The following MTREX variants were observed in gnomAD, a reference collection of about 807,000 sequenced individuals.
MTREX encodes the protein exosome RNA helicase MTR4.
In MTREX, 76 loss-of-function variants were observed where a neutral mutation model predicts 135.4. The ratio of observed to expected loss-of-function variants is 0.56; its 90% CI spans 0.47 to 0.68. The LOEUF (loss-of-function observed/expected upper bound fraction) is 0.68. Among genes scored for constraint, MTREX ranks in the 30% least tolerant of loss-of-function variants. The pLI, the probability that MTREX is intolerant of heterozygous loss-of-function variation, is 0.00. For synonymous variants in MTREX, 404 were observed against 401.6 expected (o/e 1.01, Z -0.07); for missense variants, 920 against 1,262.1 (o/e 0.73, Z 4.11).
At chr5:55,334,284 C>T (rs966103105) in intron 5 of MTREX, among the ~76,000 whole-genome samples, 18 of 152,000 alleles carry the variant, frequency 1.2e-4, no homozygotes, top group African/African-American at 4.1e-4. Context: ...TACTAAATGC[C>T]ACTGAAATAT....
At chr5:55,331,397 C>T (rs528772424) in intron 5 of MTREX, among the ~76,000 whole-genome samples, 8 of 152,220 alleles carry the variant, frequency 5.3e-5, no homozygotes, top group African/African-American at 1.4e-4. Flanking sequence ...TTTTTAGGCA[C>T]GACCAGAGTA....
rs1304784227 is a variant in MTREX at position 55,387,956 on chromosome 5, T to C, written c.2053-18T>C. 6.4e-7 allele frequency: 1 copy of C among 1,564,798 alleles called. No homozygotes were observed. The highest frequency in any genetic ancestry group is 2.3e-5 in the East Asian group (1 of 43,938). ...AGTTTCTTAAGAATGAATGAACATCTTCTGTTTTGTTTTTTAGCCTAACTC... is the reference window on the plus strand; with the variant it reads ...AGTTTCTTAAGAATGAATGAACATCCTCTGTTTTGTTTTTTAGCCTAACTC... On this transcript the variant is annotated intron_variant, in intron 18 of 26. Coordinates refer to ENST00000230640, the MANE Select transcript of MTREX (RefSeq NM_015360.5).
intron 11 of MTREX, 143 bp from the exon 12 acceptor site, chr5:55,349,430 C>T (rs72751783): frequency 3.5e-6 from 2 of 574,834 alleles, no homozygotes; most frequent in South Asian, 4.7e-5. Context: ...CTCAAGCCAG[C>T]CACCTGCCTC....
chr5:55,347,264 C>G, intron 11 of MTREX, 120 bp downstream of exon 11: 7 of 925,414 alleles, frequency 7.6e-6, no homozygotes, highest in Non-Finnish European at 1.1e-5. Flanking sequence ...ACAGTTACAG[C>G]AGTACTCAGC....
chr5:55,308,466 G>C (rs1561180443), intron 1 of MTREX, among the ~76,000 whole-genome samples: 1 of 152,016 alleles, frequency 6.6e-6, no homozygotes, highest in Non-Finnish European at 1.5e-5. Context: ...TAAACAAAAC[G>C]AATGATTAGT....
chr5:55,402,003 T>C lies in MTREX; in HGVS notation c.2481+1582T>C, dbSNP rs185418307. 2.6e-5 allele frequency among the ~76,000 whole-genome samples: 4 copies of C among 152,354 alleles called. No individual in the cohort carries two copies. The East Asian group carries it at 7.7e-4, about 29-fold the overall frequency. On this transcript the variant is annotated intron_variant, in intron 21 of 26. Coordinates refer to ENST00000230640, the MANE Select transcript of MTREX (RefSeq NM_015360.5). ...TTAGAGTCAGATGTTTCATTTTAAC[T>C]TTACATTTTCTCATAATGGTCTGTC...
In MTREX at chr5:55,358,694, T is replaced by C. The variant is rs1749960775; in HGVS notation, c.1655T>C (p.Leu552Pro). The C allele has an allele frequency of 6.3e-7, 1 of 1,591,720 alleles. No homozygotes were observed. Among genetic ancestry groups the C allele is most frequent in the African/African-American group, 1.4e-5 (1 of 73,548 alleles). The change falls in exon 15 of 27, where the codon CTT (leucine) becomes CCT (proline). Residue 552 changes from leucine (L) to proline (P), a missense_variant. Transcript: ENST00000230640. ...KMSPTIGKQL[L>P]KGSADPLNSA... ...AGCCCAACAATTGGAAAACAATTAC[T>C]TAAGGTAACTACATTAAGATTGTGT...
At chr5:55,339,520 G>T (rs1749609418) in intron 5 of MTREX, among the ~76,000 whole-genome samples, 1 of 152,190 alleles carries the variant, frequency 6.6e-6, no homozygotes, top group Non-Finnish European at 1.5e-5. Flanking sequence ...AGCTATGAAA[G>T]AAATTTTCCA....
intron 21 of MTREX, 28 bp downstream of exon 21, chr5:55,400,449 A>G: frequency 1.4e-6 from 2 of 1,462,008 alleles, no homozygotes; most frequent in Non-Finnish European, 1.9e-6. Context: ...TTTTTATAGT[A>G]GAATTCTATA....
At chr5:55,413,035 A>T (rs1750907808) in intron 23 of MTREX, among the ~76,000 whole-genome samples, 1 of 152,094 alleles carries the variant, frequency 6.6e-6, no homozygotes, top group Non-Finnish European at 1.5e-5. Flanking sequence ...CTAGCCTACA[A>T]TTGCTTTAAA....
chr5:55,347,942 A>G (rs989629005), intron 11 of MTREX, among the ~76,000 whole-genome samples: 2 of 152,094 alleles, frequency 1.3e-5, no homozygotes, highest in South Asian at 2.1e-4. Flanking sequence ...ATCAGATCTC[A>G]TGAGACTTAG....
intron 5 of MTREX, among the ~76,000 whole-genome samples, chr5:55,331,524 A>G (rs553643567): frequency 9.0e-4 from 137 of 152,292 alleles, no homozygotes; most frequent in East Asian, 2.3e-3. Context: ...CCAGTCGTGT[A>G]TAAGATTTGG....
chr5:55,388,096 G>A lies in MTREX; in HGVS notation c.2175G>A (p.Glu725=). The A allele has an allele frequency of 6.2e-7, 1 of 1,603,544 alleles. No homozygotes were observed. The highest frequency in any genetic ancestry group is 8.5e-7 in the Non-Finnish European group (1 of 1,173,184). Residue 725 remains glutamate, a synonymous_variant, in exon 19 of 27, where the codon GAG becomes GAA. Transcript: ENST00000230640. The stretch of plus-strand genomic sequence containing the variant: ...CAGCTAAACCTGATGAGAAAGGAGA[G>A]ATGCAGGTTTGTACATAACTTTCTG... ...AKPAKPDEKG[E]MQVVPVLVHL...
chr5:55,344,283 G>A (rs1215175761), intron 8 of MTREX, among the ~76,000 whole-genome samples: 1 of 152,142 alleles, frequency 6.6e-6, no homozygotes, highest in Non-Finnish European at 1.5e-5. Flanking sequence ...TTGATGCTCA[G>A]GTCATGTATT....
chr5:55,358,823 G>A (rs1749962842), intron 15 of MTREX, 125 bp downstream of exon 15: 1 of 721,982 alleles, frequency 1.4e-6, no homozygotes, highest in Non-Finnish European at 2.1e-6. Flanking sequence ...AAACTATCTG[G>A]GCTTGGGAAG....
chr5:55,309,273 G>A, intron 1 of MTREX, among the ~76,000 whole-genome samples: 1 of 152,148 alleles, frequency 6.6e-6, no homozygotes. Flanking sequence ...ATATCAAGCA[G>A]AGGAGTTTTG....
Position 55,328,824 on chromosome 5 carries a change from C to T in MTREX, c.515+13C>T. On this transcript the variant is annotated intron_variant, in intron 5 of 26. Coordinates refer to ENST00000230640, the MANE Select transcript of MTREX (RefSeq NM_015360.5). ...CAGTATGCGCCGAGTGAGTAGCTTC[C>T]TTTTTAAAGTCACTTTGTTTCTTAT... is the stretch of plus-strand genomic sequence containing the variant. The T allele has an allele frequency of 6.7e-7, 1 of 1,498,602 alleles. No homozygotes were observed. The highest frequency in any genetic ancestry group is 9.2e-7 in the Non-Finnish European group (1 of 1,083,158). The allele number at this position is 1,498,602 out of a possible 1,614,324, so 92.8% of individuals were successfully genotyped here. A position where few individuals can be genotyped will look rare whatever the true frequency, so the allele number is the denominator to read the frequency against.
At chr5:55,310,058 C>A (rs928342903) in intron 1 of MTREX, among the ~76,000 whole-genome samples, 1 of 152,128 alleles carries the variant, frequency 6.6e-6, no homozygotes, top group Non-Finnish European at 1.5e-5. Flanking sequence ...GAAGACAATA[C>A]ATGTATAATT....
chr5:55,391,221 G>A (rs1239300430), intron 19 of MTREX, among the ~76,000 whole-genome samples: 1 of 152,034 alleles, frequency 6.6e-6, no homozygotes, highest in East Asian at 1.9e-4. Context: ...TGGGAGGATT[G>A]CTTGAGCCCA....
Sources: gnomAD v4.1 joint callset for allele counts (sites outside exome capture counted in the v4.1 genomes callset) on GRCh38, gnomAD v4.1.1 for gene constraint, MANE v1.5 for transcripts, NCBI Gene and HGNC (gene_info 2026-07-23, HGNC 2026-07-21) for gene names.